Variants in DOK6 observed in about 807,000 individuals in gnomAD.
DOK6 encodes downstream of tyrosine kinase 6.
In DOK6, 22 loss-of-function variants were observed where a neutral mutation model predicts 44.0. The observed-to-expected ratio is 0.50, with a 90% CI of 0.36 to 0.71. The LOEUF (loss-of-function observed/expected upper bound fraction) is 0.71. Ranked by LOEUF, DOK6 falls within the 30% of genes least tolerant of loss-of-function variation. DOK6 has a pLI of 0.00. For synonymous variants in DOK6, 166 were observed against 145.5 expected (o/e 1.14, Z -1.01); for missense variants, 340 against 416.4 (o/e 0.82, Z 1.60).
At chr18:69,543,041 C>G (rs1239872349) in intron 1 of DOK6, among the ~76,000 whole-genome samples, 2 of 151,524 alleles carry the variant, frequency 1.3e-5, no homozygotes, top group Admixed American at 1.3e-4. Context: ...CTATTGATAA[C>G]TAAGTACATG....
chr18:69,824,987 G>C (rs1981699117), intron 7 of DOK6, among the ~76,000 whole-genome samples: 2 of 152,168 alleles, frequency 1.3e-5, no homozygotes, highest in Non-Finnish European at 2.9e-5. Flanking sequence ...TTTCTTTCTA[G>C]TGTTACTTAA....
chr18:69,401,307 T>TGGG lies in DOK6; in HGVS notation c.65_66+1dup. 1 of 1,559,108 alleles carries TGGG rather than the reference T, an allele frequency of 6.4e-7. No individual in the cohort carries two copies. The highest frequency in any genetic ancestry group is 8.7e-7 in the Non-Finnish European group (1 of 1,152,984). On this transcript the variant is annotated inframe_insertion, in exon 1 of 8. Transcript: ENST00000382713. Reference sequence around the variant, plus strand: ...ACGTGAAAATCCGCAGCAGGAAGCTTGGGGTGAGTGGCTCGCTCGGCTTGC... The same window carrying TGGG: ...ACGTGAAAATCCGCAGCAGGAAGCTTGGGGGGGTGAGTGGCTCGCTCGGCTTGC...
intron 1 of DOK6, among the ~76,000 whole-genome samples, chr18:69,449,537 C>T (rs1456292762): frequency 1.3e-5 from 2 of 152,152 alleles, no homozygotes; most frequent in Non-Finnish European, 1.5e-5. Context: ...TAATATATAA[C>T]CATGTATGAA....
intron 1 of DOK6, among the ~76,000 whole-genome samples, chr18:69,463,935 T>C (rs1219293739): frequency 6.6e-6 from 1 of 152,184 alleles, no homozygotes; most frequent in Non-Finnish European, 1.5e-5. Flanking sequence ...CTGTAATTAC[T>C]GCTACTTTTA....
At chr18:69,739,293 C>G in intron 6 of DOK6, 190 bp downstream of exon 6, 3 of 672,186 alleles carry the variant, frequency 4.5e-6, no homozygotes, top group Non-Finnish European at 4.6e-6. Context: ...GTTATTGTGG[C>G]CACCAACTGT....
intron 1 of DOK6, among the ~76,000 whole-genome samples, chr18:69,476,659 A>C (rs1344937002): frequency 1.3e-5 from 2 of 152,202 alleles, no homozygotes; most frequent in Non-Finnish European, 2.9e-5. Context: ...ATTGGAGTTG[A>C]CCTTGAGAAA....
chr18:69,755,371 T>C (rs1979321864), intron 6 of DOK6, among the ~76,000 whole-genome samples: 1 of 152,196 alleles, frequency 6.6e-6, no homozygotes, highest in African/African-American at 2.4e-5. Flanking sequence ...GAAAGATTAA[T>C]TTACCATCAA....
At chr18:69,530,943 T>G (rs1425452566) in intron 1 of DOK6, among the ~76,000 whole-genome samples, 6 of 152,310 alleles carry the variant, frequency 3.9e-5, no homozygotes, top group Non-Finnish European at 8.8e-5. Context: ...TAAATCTGGG[T>G]GCTCCTGTAT....
chr18:69,782,087 AG>A (rs1980285589), intron 7 of DOK6, among the ~76,000 whole-genome samples: 1 of 121,968 alleles, frequency 8.2e-6, no homozygotes, highest in African/African-American at 2.5e-5. Flanking sequence ...GAAAGATTAT[AG>A]GAAGATTAGC....
At chr18:69,683,560 G>A (rs997654743) in intron 4 of DOK6, among the ~76,000 whole-genome samples, 8 of 152,208 alleles carry the variant, frequency 5.3e-5, no homozygotes, top group Admixed American at 6.5e-5. Flanking sequence ...AGATGGCCAT[G>A]TGGCTGGAGT....
At chr18:69,716,494 C>T (rs1452958373) in intron 5 of DOK6, among the ~76,000 whole-genome samples, 1 of 152,106 alleles carries the variant, frequency 6.6e-6, no homozygotes, top group Non-Finnish European at 1.5e-5. Context: ...TGAAATAGCT[C>T]GGGTTTTATT....
chr18:69,499,564 A>T lies in DOK6; in HGVS notation c.67-64923A>T, dbSNP rs577336367. Among the ~76,000 whole-genome samples the T allele has an allele frequency of 1.0e-3, 153 of 152,276 alleles. 1 individual carries two copies. The highest frequency in any genetic ancestry group is 3.4e-3 in the African/African-American group (142 of 41,570). On this transcript the variant is annotated intron_variant, in intron 1 of 7. Transcript: ENST00000382713. Reference sequence around the variant, plus strand: ...GGACTTCTAAAAACAGTAATTTGGCAGGTAGATTTTATCTCTATTTCATGT... The same window carrying T: ...GGACTTCTAAAAACAGTAATTTGGCTGGTAGATTTTATCTCTATTTCATGT...
chr18:69,791,230 C>T (rs1242971823), intron 7 of DOK6, among the ~76,000 whole-genome samples: 5 of 152,194 alleles, frequency 3.3e-5, no homozygotes, highest in Non-Finnish European at 7.3e-5. Context: ...TCAGCTATCT[C>T]TTCAATACAC....
At position 69,841,661 on chromosome 18, in the gene DOK6, G is replaced by A; in HGVS notation, c.*278G>A. ...TAAATAAACAAAATTCTTTGGGTCT[G>A]ACAGTAACAGAAACCTCAGCACTGG... On this transcript the variant is annotated 3_prime_UTR_variant, in exon 8 of 8. Transcript: ENST00000382713. 1 of 348,434 alleles carries A rather than the reference G, an allele frequency of 2.9e-6. No individual in the cohort carries two copies. The highest frequency in any genetic ancestry group is 5.3e-6 in the Non-Finnish European group (1 of 190,274). 21.6% of individuals were successfully genotyped at this position (348,434 alleles called of 1,614,324 possible).
At chr18:69,631,672 G>A (rs1984693457) in intron 3 of DOK6, among the ~76,000 whole-genome samples, 1 of 152,150 alleles carries the variant, frequency 6.6e-6, no homozygotes. Flanking sequence ...CTGTTCAGAT[G>A]TTCTCCACAA....
chr18:69,704,792 A>G (rs1986597675), intron 5 of DOK6, among the ~76,000 whole-genome samples: 1 of 152,046 alleles, frequency 6.6e-6, no homozygotes, highest in Non-Finnish European at 1.5e-5. Context: ...ATGACTTCTT[A>G]TAGTTCCAAA....
chr18:69,813,614 A>C (rs921311919), intron 7 of DOK6, among the ~76,000 whole-genome samples: 45 of 152,196 alleles, frequency 3.0e-4, no homozygotes, highest in African/African-American at 1.1e-3. Flanking sequence ...TTTTTTTAAT[A>C]AGCAAGCTGG....
intron 2 of DOK6, among the ~76,000 whole-genome samples, chr18:69,591,610 T>TAA (rs1568305457): frequency 1.1e-4 from 17 of 152,104 alleles, no homozygotes; most frequent in Non-Finnish European, 1.5e-4. Flanking sequence ...AATATTTTTT[T>TAA]AAAAATATGT....
chr18:69,811,740 T>C (rs1025584653), intron 7 of DOK6, among the ~76,000 whole-genome samples: 3 of 151,910 alleles, frequency 2.0e-5, no homozygotes, highest in Non-Finnish European at 4.4e-5. Context: ...GTGATTCTGA[T>C]ATATGCTTAA....
Sources: gnomAD v4.1 joint callset for allele counts (sites outside exome capture counted in the v4.1 genomes callset) on GRCh38, gnomAD v4.1.1 for gene constraint, MANE v1.5 for transcripts, NCBI Gene and HGNC (gene_info 2026-07-23, HGNC 2026-07-21) for gene names.